Variants in TNR observed in about 807,000 individuals in gnomAD.
TNR encodes the protein tenascin R, also known as tenascin-R.
In TNR, 45 loss-of-function variants were observed where a neutral mutation model predicts 150.4. The ratio of observed to expected loss-of-function variants is 0.30; its 90% CI spans 0.24 to 0.38. The LOEUF (loss-of-function observed/expected upper bound fraction) is 0.38, where lower values mean the gene tolerates loss of function less well. TNR is among the 10% of genes least tolerant of loss of function. The pLI is 1.00. For missense variants in TNR, 1,544 were observed against 1,759.1 expected, an observed-to-expected ratio of 0.88 and a Z score of 2.19; for synonymous variants, 687 against 678.4, an observed-to-expected ratio of 1.01 and a Z score of -0.20.
chr1:175,600,174 T>C (rs1466581320), intron 1 of TNR, among the ~76,000 whole-genome samples: 1 of 152,192 alleles, frequency 6.6e-6, no homozygotes, highest in African/African-American at 2.4e-5. Flanking sequence ...AGTTCTGCAT[T>C]TGTACAATGG....
intron 1 of TNR, among the ~76,000 whole-genome samples, chr1:175,661,434 T>A (rs981335008): frequency 6.6e-6 from 1 of 152,148 alleles, no homozygotes; most frequent in Non-Finnish European, 1.5e-5. Context: ...GGTGAGGCCG[T>A]GGAGGAGCAC....
intron 1 of TNR, among the ~76,000 whole-genome samples, chr1:175,653,916 A>G (rs1312050372): frequency 6.6e-6 from 1 of 152,158 alleles, no homozygotes; most frequent in Non-Finnish European, 1.5e-5. Context: ...AGCACTGGGA[A>G]TATATACCTC....
intron 2 of TNR, among the ~76,000 whole-genome samples, chr1:175,457,409 A>G (rs1048836353): frequency 1.2e-4 from 19 of 152,236 alleles, no homozygotes; most frequent in African/African-American, 4.6e-4. Flanking sequence ...TTGCTAAGCA[A>G]GACATTGAGC....
intron 1 of TNR, among the ~76,000 whole-genome samples, chr1:175,710,887 C>T (rs1323936096): frequency 6.6e-6 from 1 of 152,120 alleles, no homozygotes; most frequent in African/African-American, 2.4e-5. Context: ...CACCCGGATG[C>T]AGAGCCTTCC....
intron 1 of TNR, among the ~76,000 whole-genome samples, chr1:175,631,515 A>G (rs1156920515): frequency 6.6e-6 from 1 of 152,008 alleles, no homozygotes; most frequent in Non-Finnish European, 1.5e-5. Flanking sequence ...AGCTGTTATT[A>G]GTGTTAGTGT....
intron 1 of TNR, among the ~76,000 whole-genome samples, chr1:175,726,335 C>T (rs1179591346): frequency 1.3e-5 from 2 of 152,164 alleles, no homozygotes; most frequent in Non-Finnish European, 2.9e-5. Flanking sequence ...TTGGTGGGAT[C>T]TTTGGAGATG....
intron 1 of TNR, among the ~76,000 whole-genome samples, chr1:175,643,855 TA>T (rs536236070): frequency 1.2e-4 from 18 of 152,306 alleles, no homozygotes; most frequent in African/African-American, 4.3e-4. Context: ...AACAAAATGT[TA>T]TAAGACAACA....
intron 2 of TNR, among the ~76,000 whole-genome samples, chr1:175,525,961 G>C (rs1376759220): frequency 6.6e-6 from 1 of 151,856 alleles, no homozygotes; most frequent in East Asian, 1.9e-4. Context: ...TTGCCTGTAA[G>C]AATATATTTA....
chr1:175,364,481 G>A (rs1476628503), intron 12 of TNR, among the ~76,000 whole-genome samples: 1 of 152,168 alleles, frequency 6.6e-6, no homozygotes, highest in Non-Finnish European at 1.5e-5. Flanking sequence ...CTGTGTTTGG[G>A]AATAATGAGC....
intron 1 of TNR, among the ~76,000 whole-genome samples, chr1:175,533,950 C>A (rs1034756516): frequency 8.5e-5 from 13 of 152,172 alleles, no homozygotes; most frequent in Admixed American, 7.2e-4. Context: ...TTTATTAACA[C>A]CCCGCTCCTC....
In TNR at chr1:175,359,612, C is replaced by A. The variant is rs1364106366; in HGVS notation, c.2974G>T (p.Val992Phe). Reference protein sequence around the residue: ...NYVIVLTHFAVAGETILVDGV... With the variant: ...NYVIVLTHFAFAGETILVDGV... ...GATCTGCAGGCCTGCAGACACCCAC[C>A]TGCAAAGTGTGTAAGAACAATGACG... Residue 992 changes from valine to phenylalanine, a missense_variant and splice_region_variant, in exon 15 of 23, where the codon GTC (valine) becomes TTC (phenylalanine). Physicochemically the swap from Val to Phe is conservative, Grantham distance 50 (BLOSUM62 -1). Around this residue, in one of 2 missense-constraint regions of TNR, gnomAD observed 1,254 missense variants for 1,329.4 expected, o/e 0.94. Transcript: ENST00000367674. 6.2e-7 allele frequency: 1 copy of A among 1,613,412 alleles called. No homozygotes were observed. Among genetic ancestry groups the A allele is most frequent in the South Asian group, 1.1e-5 (1 of 91,042 alleles).
Position 175,316,827 on chromosome 1 carries a change from G to A in TNR, c.*6530C>T, listed in dbSNP as rs762295601. On this transcript the variant is annotated 3_prime_UTR_variant, in exon 23 of 23. Transcript: ENST00000367674. ...TGTTTCTTATTCCCCATGATGATGA[G>A]ATTGAGGGTCCCCTGGAGTACATGG... 2.0e-5 allele frequency: 3 copies of A among 152,198 alleles called. No individual in the cohort carries two copies. Among genetic ancestry groups the A allele is most frequent in the Non-Finnish European group, 4.4e-5 (3 of 68,032 alleles). The allele number at this position is 152,198 out of a possible 1,614,324, so 9.4% of individuals were successfully genotyped here.
chr1:175,626,793 T>G (rs1664169541), intron 1 of TNR, among the ~76,000 whole-genome samples: 1 of 152,198 alleles, frequency 6.6e-6, no homozygotes, highest in African/African-American at 2.4e-5. Flanking sequence ...AAAGGGTCTT[T>G]GCAGATGTAA....
At chr1:175,572,163 T>A (rs1409642710) in intron 1 of TNR, among the ~76,000 whole-genome samples, 1 of 152,124 alleles carries the variant, frequency 6.6e-6, no homozygotes, top group Admixed American at 6.5e-5. Flanking sequence ...GTTAATGAGC[T>A]CACACCGAGG....
rs1653165338 is a variant in TNR at position 175,391,424 on chromosome 1, T to C, written c.1371A>G (p.Gly457=). Residue 457 remains glycine (G), a synonymous_variant, in exon 7 of 23, where the codon GGA becomes GGG. Coordinates refer to ENST00000367674, the MANE Select transcript of TNR (RefSeq NM_003285.3). ...CATCGCTGGGGACCTGAGCAATCAC[T>C]CCCCCTTCATTGTTCTGGACAGTGG... is the stretch of plus-strand genomic sequence containing the variant. The part of the protein sequence containing the change: ...ISFIPKNNEG[G]VIAQVPSDVT... 6.2e-7 allele frequency: 1 copy of C among 1,613,718 alleles called. No homozygotes were observed. The highest frequency in any genetic ancestry group is 8.5e-7 in the Non-Finnish European group (1 of 1,179,936).
chr1:175,676,738 G>A (rs956745137), intron 1 of TNR, among the ~76,000 whole-genome samples: 1 of 152,144 alleles, frequency 6.6e-6, no homozygotes, highest in Non-Finnish European at 1.5e-5. Context: ...ACGTTGGTAT[G>A]GGCATTTACT....
chr1:175,428,588 A>C (rs1304786863), intron 2 of TNR, among the ~76,000 whole-genome samples: 1 of 152,168 alleles, frequency 6.6e-6, no homozygotes, highest in Non-Finnish European at 1.5e-5. Flanking sequence ...AGGTTAAGTA[A>C]ATTGTTCGAG....
At chr1:175,728,731 G>C (rs750910028) in intron 1 of TNR, among the ~76,000 whole-genome samples, 3 of 152,150 alleles carry the variant, frequency 2.0e-5, no homozygotes, top group Non-Finnish European at 4.4e-5. Flanking sequence ...TAGGCTATAG[G>C]GCATGGCCTT....
rs74127349 is a variant in TNR at position 175,596,355 on chromosome 1, C to T, written c.-164-67986G>A. On this transcript the variant is annotated intron_variant, in intron 1 of 22. Transcript: ENST00000367674. ...CGTCGTTCACCACTTTCTACCAGTT[C>T]GCAACATGGTGACCATGCTCAGCTG... is the stretch of plus-strand genomic sequence containing the variant. Among the ~76,000 whole-genome samples the T allele has an allele frequency of 7.3e-3, 1,108 of 152,238 alleles. 14 individuals carry two copies. The highest frequency in any genetic ancestry group is 0.025 in the African/African-American group (1,054 of 41,536).
Sources: allele counts gnomAD v4.1 joint callset (sites outside exome capture counted in the v4.1 genomes callset), GRCh38; gene constraint gnomAD v4.1.1; regional missense constraint gnomAD v4.1.1; transcripts MANE v1.5; gene names NCBI Gene and HGNC (gene_info 2026-07-23, HGNC 2026-07-21).